MFSD8: variants seen among roughly 807,000 people sequenced by gnomAD.
The protein encoded by MFSD8 is major facilitator superfamily domain containing 8.
In MFSD8, 55 loss-of-function variants were observed where a neutral mutation model predicts 66.4. The observed-to-expected ratio is 0.83, with a 90% CI of 0.67 to 1.04. The LOEUF (loss-of-function observed/expected upper bound fraction) is 1.04. MFSD8 is among the 50% of genes least tolerant of loss of function. The pLI is 0.00. For synonymous variants in MFSD8, 202 were observed against 212.8 expected (o/e 0.95, Z 0.44); for missense variants, 550 against 627.6 (o/e 0.88, Z 1.32).
chr4:127,921,934 C>A lies in MFSD8; in HGVS notation c.1028G>T (p.Gly343Val). 1 of 1,614,112 alleles carries A rather than the reference C, an allele frequency of 6.2e-7. No homozygotes were observed. Among genetic ancestry groups the A allele is most frequent in the Non-Finnish European group, 8.5e-7 (1 of 1,180,018 alleles). Residue 343 changes from glycine to valine, a missense_variant, in exon 10 of 12, where the codon GGA (glycine) becomes GTA (valine). Physicochemically the swap from Gly to Val is moderately radical, Grantham distance 109. Transcript: ENST00000641686. The stretch of plus-strand genomic sequence containing the variant: ...GAAGCCAACCCATACAACGATGAGT[C>A]CTCCCAGTAGAATAGCACGCTCGCC... ...KIGERAILLG[G>V]LIVVWVGFFI...
chr4:127,952,393 G>C (rs1000686567), intron 2 of MFSD8, among the ~76,000 whole-genome samples: 11 of 151,856 alleles, frequency 7.2e-5, no homozygotes, highest in Admixed American at 2.6e-4. Flanking sequence ...GACAGAGCAA[G>C]ACTCTGTCTC....
chr4:127,921,185 G>T (rs561238982), intron 11 of MFSD8: 29 of 568,678 alleles, frequency 5.1e-5, no homozygotes, highest in Non-Finnish European at 8.7e-5. Flanking sequence ...AAGTTTCGAT[G>T]ACAGGTGTTA....
chr4:127,940,538 A>ATATATATG (rs890487889), intron 5 of MFSD8, among the ~76,000 whole-genome samples: 57 of 140,678 alleles, frequency 4.1e-4, no homozygotes, highest in Admixed American at 7.8e-4. Context: ...ATATATATAT[A>ATATATATG]TGTGTGTGTG....
chr4:127,930,926 C>T, intron 8 of MFSD8, 109 bp from the exon 9 acceptor site: 2 of 1,094,388 alleles, frequency 1.8e-6, no homozygotes, highest in Admixed American at 5.3e-5. Flanking sequence ...AATGTGCATG[C>T]CTTTTAGCAA....
chr4:127,936,240 A>G (rs1739063839), intron 7 of MFSD8, among the ~76,000 whole-genome samples: 1 of 151,920 alleles, frequency 6.6e-6, no homozygotes, highest in Non-Finnish European at 1.5e-5. Context: ...CAGCCTCATG[A>G]GTAGCTGGGA....
At chr4:127,922,943 T>C (rs1209402058) in intron 9 of MFSD8, among the ~76,000 whole-genome samples, 1 of 152,206 alleles carries the variant, frequency 6.6e-6, no homozygotes, top group East Asian at 1.9e-4. Context: ...CAAAACATTA[T>C]ATTTCTTCTG....
At chr4:127,936,067 AAAGTT>A (rs1261271517) in intron 7 of MFSD8, among the ~76,000 whole-genome samples, 2 of 151,482 alleles carry the variant, frequency 1.3e-5, no homozygotes, top group East Asian at 1.9e-4. Context: ...GCCATATTTG[AAAGTT>A]AAGTATAAGA....
intron 9 of MFSD8, 67 bp from the exon 10 acceptor site, chr4:127,922,030 A>C: frequency 1.5e-6 from 2 of 1,346,510 alleles, no homozygotes; most frequent in Non-Finnish European, 2.1e-6. Flanking sequence ...TTACTTTCAT[A>C]ATTTTAAAAA....
At chr4:127,921,422 T>G in intron 11 of MFSD8, 102 bp downstream of exon 11, 1 of 1,573,848 alleles carries the variant, frequency 6.4e-7, no homozygotes, top group Non-Finnish European at 8.7e-7. Context: ...ATGATAAAAA[T>G]CCCTCAAATC....
rs553327191 is a variant in MFSD8 at position 127,927,940 on chromosome 4, TCAAA to T, written c.998+2739_998+2742del. On this transcript the variant is annotated intron_variant, in intron 9 of 11. Transcript: ENST00000641686. Reference sequence around the variant, plus strand: ...TCTCACTATGTTGCCCAGGCTGGTCTCAAACTAACTCCTGGGCTGAAATGATCCT... The same window carrying T: ...TCTCACTATGTTGCCCAGGCTGGTCTCTAACTCCTGGGCTGAAATGATCCT... Among the ~76,000 whole-genome samples the T allele has an allele frequency of 4.4e-3, 670 of 152,276 alleles. 4 individuals carry two copies. Among genetic ancestry groups the T allele is most frequent in the Middle Eastern group, 0.027 (8 of 294 alleles).
At chr4:127,933,173 T>C (rs1389137605) in intron 7 of MFSD8, 80 bp from the exon 8 acceptor site, 4 of 1,158,868 alleles carry the variant, frequency 3.5e-6, no homozygotes, top group South Asian at 2.7e-5. Context: ...AGAAATTACA[T>C]TGTAGCAAAA....
chr4:127,935,733 T>A (rs1738959432), intron 7 of MFSD8, among the ~76,000 whole-genome samples: 1 of 152,202 alleles, frequency 6.6e-6, no homozygotes, highest in Non-Finnish European at 1.5e-5. Context: ...GTTATTTATC[T>A]ATGCTAATAC....
intron 1 of MFSD8, chr4:127,964,561 G>C (rs139371378): frequency 1.1e-5 from 2 of 177,358 alleles, no homozygotes; most frequent in African/African-American, 4.8e-5. Flanking sequence ...ACGCCCACTC[G>C]GAACTCCAGC....
chr4:127,965,157 T>C lies in MFSD8; in HGVS notation c.-24A>G. ...ATAGTTACACTCCCTACAAGGCGTC[T>C]TGCGCCCAACTCTCGCGACACCTGC... On this transcript the variant is annotated 5_prime_UTR_variant, in exon 1 of 12. Transcript: ENST00000641686. The C allele has an allele frequency of 1.2e-6, 2 of 1,613,674 alleles. No homozygotes were observed.
chr4:127,925,409 C>A (rs1737031051), intron 9 of MFSD8, among the ~76,000 whole-genome samples: 1 of 151,866 alleles, frequency 6.6e-6, no homozygotes, highest in South Asian at 2.1e-4. Flanking sequence ...AAAAACAACC[C>A]CATCAAAAAG....
rs67791219 is a variant in MFSD8 at position 127,940,516 on chromosome 4, GTATATA to G, written c.554-525_554-520del. On this transcript the variant is annotated intron_variant, in intron 5 of 11. Transcript: ENST00000641686. ...TATCTTAAATATTATTCTGTATATGGTATATATATATATATATATATATGTGTGTGT... is the reference window on the plus strand; with the variant it reads ...TATCTTAAATATTATTCTGTATATGGTATATATATATATATATGTGTGTGT... Among the ~76,000 whole-genome samples the G allele has an allele frequency of 2.0e-4, 28 of 138,212 alleles. No individual in the cohort carries two copies. In the East Asian group the frequency reaches 4.6e-3, roughly 23 times the overall value. The allele number at this position is 138,212 out of a possible 152,430, so 90.7% of individuals were successfully genotyped here.
At position 127,920,794 on chromosome 4, in the gene MFSD8, G is replaced by A. The variant is rs1043984708; in HGVS notation, c.1393C>T (p.Arg465Trp). ...GWLTASGSGA[R>W]ILGPMFISQV... is the part of the protein sequence containing the mutation. The stretch of plus-strand genomic sequence containing the variant: ...CTGATGAACATAGGCCCAAGAATCC[G>A]GGCTCCACTTCCAGATGCTGTTAAC... Residue 465 changes from arginine to tryptophan, a missense_variant, in exon 12 of 12, where the codon CGG becomes TGG. By Grantham distance (101) the Arg-to-Trp change is moderately radical (BLOSUM62 -3). Coordinates refer to ENST00000641686, the MANE Select transcript of MFSD8 (RefSeq NM_001371596.2). 8 of 1,613,998 alleles carry A rather than the reference G, an allele frequency of 5.0e-6. No individual in the cohort carries two copies. In the African/African-American group the frequency reaches 5.3e-5, roughly 11 times the overall value.
chr4:127,921,540 A>G lies in MFSD8; in HGVS notation c.1334T>C (p.Leu445Pro). The change falls in exon 11 of 12, where the codon CTA becomes CCA. Residue 445 changes from leucine (L) to proline (P), a missense_variant. By Grantham distance (98) the Leu-to-Pro change is moderately conservative. Coordinates refer to ENST00000641686, the MANE Select transcript of MFSD8 (RefSeq NM_001371596.2). ...LMSYTLYSKI[L>P]GPKPQGVYMG... ...CTGGCTTACCTGAGGTTTTGGTCCTAGAATTTTTGAATATAGAGTATAGGA... is the reference window on the plus strand; with the variant it reads ...CTGGCTTACCTGAGGTTTTGGTCCTGGAATTTTTGAATATAGAGTATAGGA... The G allele has an allele frequency of 6.2e-7, 1 of 1,614,222 alleles. No individual in the cohort carries two copies. Among genetic ancestry groups the G allele is most frequent in the Non-Finnish European group, 8.5e-7 (1 of 1,180,034 alleles).
intron 1 of MFSD8, chr4:127,964,868 G>A (rs1579048747): frequency 1.5e-6 from 1 of 652,064 alleles, no homozygotes; most frequent in Non-Finnish European, 2.7e-6. Flanking sequence ...GAACCCACGG[G>A]CTCATCACCG....
Sources: gnomAD v4.1 joint callset for allele counts (sites outside exome capture counted in the v4.1 genomes callset) on GRCh38, gnomAD v4.1.1 for gene constraint, MANE v1.5 for transcripts, NCBI Gene and HGNC (gene_info 2026-07-23, HGNC 2026-07-21) for gene names.